The following SNX13 variants were observed in gnomAD, a reference collection of about 807,000 sequenced individuals.
The protein encoded by SNX13 is sorting nexin 13.
SNX13 carries 45 observed loss-of-function variants against 133.6 expected under a neutral mutation model. That is an observed-to-expected ratio of 0.34 (90% CI 0.27 to 0.43). SNX13 has a LOEUF of 0.43. Ranked by LOEUF, SNX13 falls within the 20% of genes least tolerant of loss-of-function variation. SNX13 has a pLI of 1.00. For missense variants in SNX13, 1,032 were observed against 1,145.1 expected (o/e 0.90, Z 1.43); for synonymous variants, 414 against 373.9 (o/e 1.11, Z -1.24).
At chr7:17,902,822 T>C (rs1797980897) in intron 1 of SNX13, among the ~76,000 whole-genome samples, 1 of 152,188 alleles carries the variant, frequency 6.6e-6, no homozygotes, top group African/African-American at 2.4e-5. Flanking sequence ...CATTAGCACC[T>C]GAGCTCTGCC....
chr7:17,853,988 G>A (rs976001875), intron 9 of SNX13, among the ~76,000 whole-genome samples: 1 of 151,656 alleles, frequency 6.6e-6, no homozygotes, highest in African/African-American at 2.4e-5. Flanking sequence ...AAGAAAATTG[G>A]CAATACACAG....
intron 16 of SNX13, 43 bp from the exon 17 acceptor site, chr7:17,826,134 G>A (rs976776357): frequency 2.8e-5 from 37 of 1,323,828 alleles, no homozygotes; most frequent in Non-Finnish European, 3.3e-5. Context: ...AAATTTTATA[G>A]GGAAAAAAAA....
In SNX13 at chr7:17,821,516, G is replaced by C; in HGVS notation, c.1838C>G (p.Thr613Ser). Residue 613 changes from threonine to serine, a missense_variant, in exon 18 of 26, where the codon ACT (threonine) becomes AGT (serine). Coordinates refer to ENST00000428135, the MANE Select transcript of SNX13 (RefSeq NM_015132.5). ...TTTTTAAAACTTCATTACCTGTTCA[G>C]TGATTCTCATGTGGAAGTCATGGAA... Reference protein sequence around the residue: ...SDFHDFHMRITEQFESLSSIL... With the variant: ...SDFHDFHMRISEQFESLSSIL... 6.2e-7 allele frequency: 1 copy of C among 1,610,928 alleles called. No individual in the cohort carries two copies. The highest frequency in any genetic ancestry group is 8.5e-7 in the Non-Finnish European group (1 of 1,178,678).
At chr7:17,882,786 C>T (rs1009638573) in intron 5 of SNX13, 2 of 1,226,548 alleles carry the variant, frequency 1.6e-6, no homozygotes, top group African/African-American at 1.6e-5. Flanking sequence ...ATCACTACCA[C>T]AATTCCCTGT....
intron 9 of SNX13, among the ~76,000 whole-genome samples, chr7:17,857,725 C>T (rs922100976): frequency 6.6e-6 from 1 of 151,856 alleles, no homozygotes; most frequent in Non-Finnish European, 1.5e-5. Flanking sequence ...GTGGAGGTTA[C>T]AGTGAGCTGA....
At chr7:17,889,732 C>T (rs1380510995) in intron 5 of SNX13, 10 of 151,918 alleles carry the variant, frequency 6.6e-5, no homozygotes, top group Admixed American at 6.6e-4. Context: ...AGTTTAAGTA[C>T]AAGAATAGAA....
chr7:17,877,654 C>T (rs183734375), intron 5 of SNX13, among the ~76,000 whole-genome samples: 195 of 152,082 alleles, frequency 1.3e-3, no homozygotes, highest in Admixed American at 2.7e-3. Flanking sequence ...ATTTAGAAGA[C>T]ATTTTAAATC....
intron 13 of SNX13, among the ~76,000 whole-genome samples, chr7:17,835,569 T>C (rs749760449): frequency 1.8e-4 from 27 of 151,980 alleles, no homozygotes; most frequent in Non-Finnish European, 3.2e-4. Flanking sequence ...AAGCTAGACA[T>C]GTCAACAGCT....
intron 24 of SNX13, among the ~76,000 whole-genome samples, chr7:17,797,470 C>CTTTA (rs987674522): frequency 2.0e-5 from 3 of 151,854 alleles, no homozygotes; most frequent in Non-Finnish European, 2.9e-5. Flanking sequence ...TTTCAGTGTG[C>CTTTA]TTTACTCCTG....
At chr7:17,889,074 C>T (rs1796330590) in intron 5 of SNX13, 1 of 163,940 alleles carries the variant, frequency 6.1e-6, no homozygotes, top group Non-Finnish European at 1.3e-5. Flanking sequence ...CTATAGAAAG[C>T]AATAAAAAAT....
intron 9 of SNX13, among the ~76,000 whole-genome samples, chr7:17,862,826 C>G (rs1031055746): frequency 6.6e-6 from 1 of 152,120 alleles, no homozygotes; most frequent in African/African-American, 2.4e-5. Context: ...ATCATCCTCC[C>G]CACAGGAACA....
Position 17,799,073 on chromosome 7 carries a change from G to T in SNX13, c.2380C>A (p.Arg794=). The change falls in exon 23 of 26, where the codon CGA becomes AGA. Residue 794 remains arginine (R), a synonymous_variant. Coordinates refer to ENST00000428135, the MANE Select transcript of SNX13 (RefSeq NM_015132.5). ...TGAAGTAGGTTTTTGATATTCCTTCGCAACCACTGATTTCTTTCTTTTAAG... is the reference window on the plus strand; with the variant it reads ...TGAAGTAGGTTTTTGATATTCCTTCTCAACCACTGATTTCTTTCTTTTAAG... ...FDLKERNQWL[R]RNIKNLLQQL... is the part of the protein sequence containing the mutation. 1 of 1,610,620 alleles carries T rather than the reference G, an allele frequency of 6.2e-7. No individual in the cohort carries two copies. The highest frequency in any genetic ancestry group is 2.2e-5 in the East Asian group (1 of 44,746).
intron 5 of SNX13, among the ~76,000 whole-genome samples, chr7:17,878,408 G>C (rs1794966827): frequency 6.6e-6 from 1 of 152,092 alleles, no homozygotes. Flanking sequence ...GGCCCCTGAA[G>C]CTTATATATC....
intron 2 of SNX13, among the ~76,000 whole-genome samples, chr7:17,895,913 G>T (rs1470493514): frequency 6.6e-6 from 1 of 152,006 alleles, no homozygotes. Context: ...CAAAGTATTG[G>T]GAAATACTCT....
intron 23 of SNX13, 83 bp from the exon 24 acceptor site, chr7:17,798,841 C>A: frequency 8.1e-7 from 1 of 1,235,750 alleles, no homozygotes; most frequent in Non-Finnish European, 1.1e-6. Context: ...GAGCAAGCAA[C>A]TTAATCTGGA....
intron 1 of SNX13, among the ~76,000 whole-genome samples, chr7:17,928,228 C>T (rs751743277): frequency 2.0e-5 from 3 of 152,152 alleles, no homozygotes; most frequent in African/African-American, 7.2e-5. Context: ...CCAGGCACAG[C>T]AGCACGTGGA....
intron 1 of SNX13, among the ~76,000 whole-genome samples, chr7:17,920,393 CATTCAAAAGCAA>C (rs1464757260): frequency 6.6e-6 from 1 of 152,148 alleles, no homozygotes; most frequent in Non-Finnish European, 1.5e-5. Context: ...ATGAACTCTT[CATTCAAAAGCAA>C]TTTCATAGTT....
chr7:17,901,170 G>A (rs1797792136), intron 1 of SNX13, among the ~76,000 whole-genome samples: 1 of 152,124 alleles, frequency 6.6e-6, no homozygotes, highest in South Asian at 2.1e-4. Context: ...CTGTCCTACT[G>A]TGGCTAAGCT....
At chr7:17,908,242 T>C (rs118146915) in intron 1 of SNX13, among the ~76,000 whole-genome samples, 11 of 152,322 alleles carry the variant, frequency 7.2e-5, no homozygotes, top group Non-Finnish European at 1.2e-4. Flanking sequence ...TAAGTATCTT[T>C]TGAAACCTTC....
Sources: allele counts gnomAD v4.1 joint callset (sites outside exome capture counted in the v4.1 genomes callset), GRCh38; gene constraint gnomAD v4.1.1; transcripts MANE v1.5; gene names NCBI Gene and HGNC (gene_info 2026-07-23, HGNC 2026-07-21).